TTC21A: variants seen among roughly 807,000 people sequenced by gnomAD.
TTC21A encodes tetratricopeptide repeat domain 21A, also known as tetratricopeptide repeat protein 21A.
In TTC21A, 128 loss-of-function variants were observed where a neutral mutation model predicts 156.4. That is an observed-to-expected ratio of 0.82 (90% CI 0.71 to 0.95). The LOEUF (loss-of-function observed/expected upper bound fraction) is 0.95. TTC21A is among the 40% of genes least tolerant of loss of function. The pLI is 0.00. For synonymous variants in TTC21A, 587 were observed against 617.1 expected (o/e 0.95, Z 0.72); for missense variants, 1,435 against 1,602.3 (o/e 0.90, Z 1.78).
intron 3 of TTC21A, chr3:39,110,440 A>ATATATATTG: frequency 1.9e-6 from 1 of 529,408 alleles, no homozygotes; most frequent in Non-Finnish European, 3.4e-6. Context: ...TGTCAGAAAA[A>ATATATATTG]CCAAGCCAAT....
intron 10 of TTC21A, 23 bp downstream of exon 10, chr3:39,125,183 G>T (rs879439792): frequency 6.3e-7 from 1 of 1,579,972 alleles, no homozygotes; most frequent in Admixed American, 1.7e-5. Context: ...TGGGGGTATG[G>T]GTTGCTCCAG....
intron 5 of TTC21A, among the ~76,000 whole-genome samples, chr3:39,114,259 C>T (rs1175174840): frequency 1.3e-5 from 2 of 152,162 alleles, no homozygotes; most frequent in African/African-American, 4.8e-5. Context: ...TGGAAAGCAC[C>T]CAGTGACCTC....
Position 39,107,744 on chromosome 3 carries a change from C to G in TTC21A, c.-94C>G. 6.4e-7 allele frequency: 1 copy of G among 1,572,172 alleles called. No individual in the cohort carries two copies. Among genetic ancestry groups the G allele is most frequent in the Admixed American group, 1.7e-5 (1 of 59,832 alleles). ...TTCCAAGGACTGTAACGCCTTCAAC[C>G]GCCCGCCGCGATAGAGTGCCCACGA... On this transcript the variant is annotated 5_prime_UTR_variant, in exon 1 of 29. Coordinates refer to ENST00000683103, the MANE Select transcript of TTC21A (RefSeq NM_001366900.1).
intron 4 of TTC21A, among the ~76,000 whole-genome samples, chr3:39,111,578 G>T (rs555940222): frequency 1.6e-4 from 24 of 152,272 alleles, no homozygotes; most frequent in Non-Finnish European, 3.1e-4. Flanking sequence ...TGAAGCCTCA[G>T]TCTAGGCCAT....
rs768917890 is a variant in TTC21A, at chr3:39,129,261, A to T, written c.2086A>T (p.Ile696Phe). The change falls in exon 15 of 29, where the codon ATC becomes TTC. Residue 696 changes from isoleucine (I) to phenylalanine (F), a missense_variant. Ile to Phe is a conservative substitution (Grantham distance 21). Coordinates refer to ENST00000683103, the MANE Select transcript of TTC21A (RefSeq NM_001366900.1). ...YMEAREKMAN[I>F]YLQTLRDRRL... The stretch of plus-strand genomic sequence containing the variant: ...GGAAGCCAGAGAGAAGATGGCCAAC[A>T]TCTACCTGCAGACCCTCAGAGACAG... 6.2e-7 allele frequency: 1 copy of T among 1,614,242 alleles called. No individual in the cohort carries two copies. Among genetic ancestry groups the T allele is most frequent in the East Asian group, 2.2e-5 (1 of 44,894 alleles).
At chr3:39,111,277 T>C (rs1032054678) in intron 4 of TTC21A, among the ~76,000 whole-genome samples, 7 of 152,228 alleles carry the variant, frequency 4.6e-5, no homozygotes, top group African/African-American at 1.4e-4. Flanking sequence ...AAATTTTTTT[T>C]TGAGACCTCA....
In TTC21A at chr3:39,112,340, A is replaced by G. The variant is rs2036905365; in HGVS notation, c.436-118A>G. On this transcript the variant is annotated intron_variant, in intron 4 of 28. Coordinates refer to ENST00000683103, the MANE Select transcript of TTC21A (RefSeq NM_001366900.1). ...GAGAGCTGGCTGCCCTGGGATCTGC[A>G]CGGGACTGTGCCTGGCAGGGCCTCA... The G allele has an allele frequency of 5.8e-6, 6 of 1,039,658 alleles. 1 individual carries two copies. The South Asian group carries it at 8.6e-5, about 15-fold the overall frequency. 64.4% of individuals were successfully genotyped at this position (1,039,658 alleles called of 1,614,324 possible).
At chr3:39,120,103 T>C in intron 8 of TTC21A, 83 bp downstream of exon 8, 1 of 990,780 alleles carries the variant, frequency 1.0e-6, no homozygotes, top group Admixed American at 1.9e-5. Flanking sequence ...AGGAAGCTCC[T>C]TGAGTGCCTT....
intron 1 of TTC21A, 136 bp downstream of exon 1, chr3:39,108,000 A>T: frequency 3.0e-6 from 3 of 997,324 alleles, no homozygotes; most frequent in Non-Finnish European, 4.3e-6. Flanking sequence ...TTCTTGCCCC[A>T]CTCCCCCTGG....
rs758657765 is a variant in TTC21A at position 39,138,575 on chromosome 3, C to T, written c.3816C>T (p.Asn1272=). 2 of 1,614,238 alleles carry T rather than the reference C, an allele frequency of 1.2e-6. No individual in the cohort carries two copies. The highest frequency in any genetic ancestry group is 3.3e-5 in the Admixed American group (2 of 60,032). Reference sequence around the variant, plus strand: ...CGGTAGGCTTCAAACTTGCTTTCAACTACCTGAAGGACAAGAAATTTGTGG... The same window carrying T: ...CGGTAGGCTTCAAACTTGCTTTCAATTACCTGAAGGACAAGAAATTTGTGG... The part of the protein sequence containing the change: ...NPAIGFKLAF[N]YLKDKKFVEA... Residue 1272 remains asparagine (N), a synonymous_variant, in exon 28 of 29, where the codon AAC becomes AAT. Coordinates refer to ENST00000683103, the MANE Select transcript of TTC21A (RefSeq NM_001366900.1).
intron 5 of TTC21A, 69 bp from the exon 6 acceptor site, chr3:39,114,516 A>T (rs1301483888): frequency 6.7e-7 from 1 of 1,498,420 alleles, no homozygotes; most frequent in African/African-American, 1.4e-5. Flanking sequence ...CACAGAGACA[A>T]CCCCCCTCCA....
Position 39,110,346 on chromosome 3 carries a change from G to A in TTC21A, c.268+207G>A, listed in dbSNP as rs150176465. On this transcript the variant is annotated intron_variant, in intron 3 of 28. Coordinates refer to ENST00000683103, the MANE Select transcript of TTC21A (RefSeq NM_001366900.1). ...CATGCCTGGGCCCAACTGAGTGGAA[G>A]CAGGCAGAGCCCATGACAGTGGGAG... 7.9e-3 allele frequency: 4,964 copies of A among 629,916 alleles called. 28 individuals are homozygous for A. The highest frequency in any genetic ancestry group is 0.019 in the Middle Eastern group (46 of 2,376). The allele number at this position is 629,916 out of a possible 1,614,324, so 39.0% of individuals were successfully genotyped here. A position where few individuals can be genotyped will look rare whatever the true frequency, so the allele number is the denominator to read the frequency against.
chr3:39,134,889 G>T lies in TTC21A; in HGVS notation c.2863-204G>T, dbSNP rs2038996006. The T allele has an allele frequency of 1.7e-6, 1 of 601,400 alleles. No homozygotes were observed. The highest frequency in any genetic ancestry group is 3.0e-6 in the Non-Finnish European group (1 of 336,686). 37.3% of individuals were successfully genotyped at this position (601,400 alleles called of 1,614,324 possible). ...CAACTCTTCTTGCCCCTCACCTTGG[G>T]AAGTCCTCACCTTCTGGGTGGGGGC... On this transcript the variant is annotated intron_variant, in intron 21 of 28. Transcript: ENST00000683103. This position sits in a 1 kb window ranked among gnomAD's most constrained non-coding sequence, Gnocchi z 4.6.
chr3:39,134,632 G>T lies in TTC21A; in HGVS notation c.2862+304G>T. On this transcript the variant is annotated intron_variant, in intron 21 of 28. Coordinates refer to ENST00000683103, the MANE Select transcript of TTC21A (RefSeq NM_001366900.1). This position sits in a 1 kb window ranked among gnomAD's most constrained non-coding sequence, Gnocchi z 4.6. Reference sequence around the variant, plus strand: ...GGCAAGGGCGGGACAGGTTCCTGGGGCTTCAGGAAAAGCCCTCCTCGGTCC... The same window carrying T: ...GGCAAGGGCGGGACAGGTTCCTGGGTCTTCAGGAAAAGCCCTCCTCGGTCC... 2.0e-6 allele frequency: 1 copy of T among 510,068 alleles called. No homozygotes were observed. 31.6% of individuals were successfully genotyped at this position (510,068 alleles called of 1,614,324 possible).
At position 39,121,069 on chromosome 3, in the gene TTC21A, TA is replaced by T; in HGVS notation, c.974del (p.Tyr325LeufsTer14). The T allele has an allele frequency of 1.2e-6, 2 of 1,614,128 alleles. No individual in the cohort carries two copies. Among genetic ancestry groups the T allele is most frequent in the Admixed American group, 1.7e-5 (1 of 60,014 alleles). On this transcript the variant is annotated frameshift_variant, in exon 9 of 29. Transcript: ENST00000683103. LOFTEE classifies it high-confidence loss of function. ...IERTFMATPS[Y>X]VHVATELGYL... ...GCGCACCTTCATGGCCACCCCCTCG[TA>T]TGTCCATGTGGCCACAGAACTGGGC...
chr3:39,108,225 T>C, intron 1 of TTC21A: 2 of 416,686 alleles, frequency 4.8e-6, no homozygotes, highest in Non-Finnish European at 8.6e-6. Flanking sequence ...CTCTTCCCTA[T>C]ACTCATCTTC....
In TTC21A at chr3:39,130,465, T is replaced by G; in HGVS notation, c.2319+107T>G. 9.9e-7 allele frequency: 1 copy of G among 1,007,778 alleles called. No individual in the cohort carries two copies. The highest frequency in any genetic ancestry group is 1.5e-6 in the Non-Finnish European group (1 of 688,992). The allele number at this position is 1,007,778 out of a possible 1,614,324, so 62.4% of individuals were successfully genotyped here. A position where few individuals can be genotyped will look rare whatever the true frequency, so the allele number is the denominator to read the frequency against. ...CTGGGTGGGAGGAGAGTGGCTGACT[T>G]TTCACTCAGCTCCTTGCTGAATGGG... On this transcript the variant is annotated intron_variant, in intron 17 of 28. Transcript: ENST00000683103. The surrounding 1 kb of genome is among the most constrained non-coding windows in gnomAD (Gnocchi z 4.5).
Position 39,130,185 on chromosome 3 carries a change from C to A in TTC21A, c.2208+34C>A. The A allele has an allele frequency of 1.2e-6, 2 of 1,611,032 alleles. No individual in the cohort carries two copies. The highest frequency in any genetic ancestry group is 1.1e-5 in the South Asian group (1 of 90,692). On this transcript the variant is annotated intron_variant, in intron 16 of 28. Coordinates refer to ENST00000683103, the MANE Select transcript of TTC21A (RefSeq NM_001366900.1). The surrounding 1 kb of genome is among the most constrained non-coding windows in gnomAD (Gnocchi z 4.5). ...GAGGCCTCACAGCCTTGCCAAGTGG[C>A]CCCCCAGTCTCCCTTCTCCAGTGGG... is the stretch of plus-strand genomic sequence containing the variant.
intron 23 of TTC21A, 145 bp from the exon 24 acceptor site, chr3:39,136,754 C>A: frequency 1.8e-6 from 2 of 1,113,532 alleles, no homozygotes; most frequent in Non-Finnish European, 2.5e-6. Context: ...CACACAGGTC[C>A]GACGCCCGCA....
Sources: allele counts gnomAD v4.1 joint callset (sites outside exome capture counted in the v4.1 genomes callset), GRCh38; gene constraint gnomAD v4.1.1; non-coding constraint Gnocchi (gnomAD v3.1); transcripts MANE v1.5; gene names NCBI Gene and HGNC (gene_info 2026-07-23, HGNC 2026-07-21).